Variants in LRBA observed in about 807,000 individuals in gnomAD.
The protein encoded by LRBA is lipopolysaccharide-responsive and beige-like anchor protein.
Under a neutral mutation model 330.0 loss-of-function variants are expected in LRBA, and 176 were observed. The observed-to-expected ratio is 0.53, with a 90% CI of 0.47 to 0.60. The LOEUF is 0.60. LRBA is among the 20% of genes least tolerant of loss of function. The pLI is 0.00. For synonymous variants in LRBA, 1,230 were observed against 1,193.0 expected (o/e 1.03, Z -0.64); for missense variants, 3,259 against 3,444.8 (o/e 0.95, Z 1.35).
chr4:150,539,109 G>C (rs1765027828), intron 40 of LRBA, among the ~76,000 whole-genome samples: 1 of 152,044 alleles, frequency 6.6e-6, no homozygotes. Context: ...CCGAGTAGCT[G>C]GGACTATGGG....
chr4:150,780,637 ATATATATATG>A (rs1738055448), intron 34 of LRBA, among the ~76,000 whole-genome samples: 1 of 148,960 alleles, frequency 6.7e-6, no homozygotes, highest in Non-Finnish European at 1.5e-5. Context: ...ACACGTATAT[ATATATATATG>A]TGTATATATA....
chr4:150,713,890 G>A (rs1786477413), intron 36 of LRBA, among the ~76,000 whole-genome samples: 1 of 152,142 alleles, frequency 6.6e-6, no homozygotes, highest in African/African-American at 2.4e-5. Context: ...AAGGATCTCT[G>A]GGTAAATATG....
intron 4 of LRBA, among the ~76,000 whole-genome samples, chr4:150,922,208 C>T (rs1461369042): frequency 2.0e-5 from 3 of 152,024 alleles, no homozygotes. Context: ...CCCACCCACC[C>T]TTCTTTAAAA....
intron 49 of LRBA, among the ~76,000 whole-genome samples, chr4:150,325,101 T>C (rs1733064399): frequency 6.6e-6 from 1 of 152,158 alleles, no homozygotes; most frequent in Admixed American, 6.5e-5. Context: ...GTCTGGCTGC[T>C]TCTGTCTGTC....
intron 48 of LRBA, among the ~76,000 whole-genome samples, chr4:150,342,075 T>C (rs1194727801): frequency 4.6e-5 from 7 of 152,056 alleles, no homozygotes; most frequent in Non-Finnish European, 7.4e-5. Context: ...TTTTAATTCG[T>C]AAAAATAGTT....
intron 37 of LRBA, among the ~76,000 whole-genome samples, chr4:150,641,129 A>C (rs1778637782): frequency 6.6e-6 from 1 of 152,106 alleles, no homozygotes; most frequent in Non-Finnish European, 1.5e-5. Context: ...CCCTCCTCAA[A>C]TCTATGTCCT....
intron 40 of LRBA, among the ~76,000 whole-genome samples, chr4:150,512,251 C>A (rs1761908478): frequency 6.6e-6 from 1 of 152,048 alleles, no homozygotes; most frequent in Non-Finnish European, 1.5e-5. Flanking sequence ...TCAAGGTTAG[C>A]CAAATTTGTT....
At chr4:150,976,896 G>A (rs1040040802) in intron 2 of LRBA, among the ~76,000 whole-genome samples, 3 of 152,170 alleles carry the variant, frequency 2.0e-5, no homozygotes, top group Admixed American at 6.5e-5. Flanking sequence ...ATTAGCCAAC[G>A]TCCACCTACA....
intron 17 of LRBA, among the ~76,000 whole-genome samples, chr4:150,878,372 T>C (rs1754299869): frequency 6.6e-6 from 1 of 151,818 alleles, no homozygotes; most frequent in Non-Finnish European, 1.5e-5. Context: ...ATAGCACTAA[T>C]GGCCTAAGTC....
intron 8 of LRBA, among the ~76,000 whole-genome samples, chr4:150,914,761 A>G (rs1560999587): frequency 6.6e-6 from 1 of 152,184 alleles, no homozygotes; most frequent in Admixed American, 6.5e-5. Flanking sequence ...AAGAAAAAAC[A>G]GGTTACAAAA....
At chr4:150,933,380 A>G (rs1400462956) in intron 2 of LRBA, among the ~76,000 whole-genome samples, 1 of 152,044 alleles carries the variant, frequency 6.6e-6, no homozygotes, top group African/African-American at 2.4e-5. Context: ...AAAAAAAAAA[A>G]AAGTTAATGA....
intron 34 of LRBA, among the ~76,000 whole-genome samples, chr4:150,773,335 AACG>A (rs1461339439): frequency 6.6e-6 from 1 of 152,224 alleles, no homozygotes; most frequent in Non-Finnish European, 1.5e-5. Context: ...GCTGAAAGAA[AACG>A]ACTTCTAGTG....
intron 53 of LRBA, among the ~76,000 whole-genome samples, chr4:150,290,464 A>T (rs1728135020): frequency 6.6e-6 from 1 of 152,220 alleles, no homozygotes; most frequent in Non-Finnish European, 1.5e-5. Context: ...TCCCTTAAGA[A>T]CCTTTTAAAG....
chr4:150,931,357 C>T (rs575626406), intron 2 of LRBA, among the ~76,000 whole-genome samples: 10 of 151,058 alleles, frequency 6.6e-5, no homozygotes, highest in East Asian at 1.9e-4. Context: ...GCTTGGCTGA[C>T]GGTGGTGGTT....
At chr4:150,639,817 G>GTA (rs1561457992) in intron 37 of LRBA, among the ~76,000 whole-genome samples, 7 of 5,370 alleles carry the variant, frequency 1.3e-3, no homozygotes, top group African/African-American at 3.0e-3. Flanking sequence ...GTGTGTGTGT[G>GTA]TGTATATATA....
intron 35 of LRBA, among the ~76,000 whole-genome samples, chr4:150,744,458 A>T (rs1732424564): frequency 6.6e-6 from 1 of 152,154 alleles, no homozygotes; most frequent in African/African-American, 2.4e-5. Context: ...TCTCAGCTTT[A>T]ATTTATGCTG....
chr4:150,455,792 T>C (rs1271034994), intron 44 of LRBA, among the ~76,000 whole-genome samples: 1 of 152,110 alleles, frequency 6.6e-6, no homozygotes, highest in Non-Finnish European at 1.5e-5. Context: ...TCATTAATCA[T>C]CCCTACCTAT....
At chr4:150,797,990 A>T (rs1741045882) in intron 34 of LRBA, 91 bp downstream of exon 34, 2 of 819,230 alleles carry the variant, frequency 2.4e-6, no homozygotes, top group East Asian at 5.0e-5. Context: ...TATTATACCA[A>T]AAATTTCAGT....
chr4:150,840,329 TA>T (rs1258540937), intron 28 of LRBA, among the ~76,000 whole-genome samples: 1 of 152,264 alleles, frequency 6.6e-6, no homozygotes, highest in Non-Finnish European at 1.5e-5. Flanking sequence ...TTTTGGCCTG[TA>T]TCAGCTTTTG....
Sources: allele counts gnomAD v4.1 joint callset (sites outside exome capture counted in the v4.1 genomes callset), GRCh38; gene constraint gnomAD v4.1.1; transcripts MANE v1.5; gene names NCBI Gene and HGNC (gene_info 2026-07-23, HGNC 2026-07-21).